Variants in PDE1A observed in about 807,000 individuals in gnomAD.
The protein encoded by PDE1A is dual specificity calcium/calmodulin-dependent 3',5'-cyclic nucleotide phosphodiesterase 1A.
Under a neutral mutation model 61.7 loss-of-function variants are expected in PDE1A, and 35 were observed. That is an observed-to-expected ratio of 0.57 (90% CI 0.43 to 0.75). PDE1A has a LOEUF of 0.75. PDE1A is among the 30% of genes least tolerant of loss of function. The pLI is 0.00. For missense variants in PDE1A, 597 were observed against 630.6 expected (o/e 0.95, Z 0.57); for synonymous variants, 232 against 213.2 (o/e 1.09, Z -0.77).
At chr2:182,252,763 G>T (rs1470373221) in intron 2 of PDE1A, among the ~76,000 whole-genome samples, 1 of 152,196 alleles carries the variant, frequency 6.6e-6, no homozygotes, top group Non-Finnish European at 1.5e-5. Context: ...CTGCAGGACG[G>T]CAAGGTCCCT....
chr2:182,555,281 A>G, the PDE1A span, among the ~76,000 whole-genome samples: 24 of 152,340 alleles, frequency 1.6e-4, no homozygotes, highest in African/African-American at 5.8e-4. Flanking sequence ...ACATCATTCA[A>G]ACACATTGTC....
chr2:182,629,197 G>A, the PDE1A span, among the ~76,000 whole-genome samples: 1 of 152,150 alleles, frequency 6.6e-6, no homozygotes, highest in African/African-American at 2.4e-5. Flanking sequence ...AGCTCCAGAA[G>A]GGAATTCAGT....
chr2:182,548,629 T>G, the PDE1A span, among the ~76,000 whole-genome samples: 1 of 152,210 alleles, frequency 6.6e-6, no homozygotes, highest in Admixed American at 6.5e-5. Flanking sequence ...CTTCCCAAAA[T>G]TATGGATTTC....
chr2:182,545,738 G>C, the PDE1A span, among the ~76,000 whole-genome samples: 1 of 152,138 alleles, frequency 6.6e-6, no homozygotes, highest in African/African-American at 2.4e-5. Flanking sequence ...CATACTGACT[G>C]ACTTCTGCAG....
chr2:182,498,595 C>A (rs948217559), intron 2 of PDE1A, among the ~76,000 whole-genome samples: 2 of 151,780 alleles, frequency 1.3e-5, no homozygotes, highest in African/African-American at 4.8e-5. Flanking sequence ...CATGTATTTC[C>A]AGACTGAAAG....
intron 1 of PDE1A, among the ~76,000 whole-genome samples, chr2:182,335,648 C>G (rs1265676351): frequency 6.6e-6 from 1 of 152,136 alleles, no homozygotes; most frequent in Non-Finnish European, 1.5e-5. Flanking sequence ...AACGTAAGAC[C>G]TTAAATCATA....
chr2:182,483,546 T>C (rs570427994), intron 2 of PDE1A, among the ~76,000 whole-genome samples: 13 of 152,024 alleles, frequency 8.6e-5, no homozygotes, highest in Admixed American at 2.6e-4. Flanking sequence ...CAACATACTC[T>C]AAATAATTCA....
chr2:182,590,817 C>T, the PDE1A span, among the ~76,000 whole-genome samples: 2 of 152,268 alleles, frequency 1.3e-5, no homozygotes, highest in South Asian at 2.1e-4. Context: ...CTCCCATAGT[C>T]CCATTTATTT....
the PDE1A span, among the ~76,000 whole-genome samples, chr2:182,529,980 G>A: frequency 6.6e-6 from 1 of 152,276 alleles, no homozygotes; most frequent in East Asian, 1.9e-4. Context: ...ATTTTCAGAA[G>A]TGTAAAATAG....
the PDE1A span, among the ~76,000 whole-genome samples, chr2:182,601,153 C>A: frequency 6.6e-6 from 1 of 152,182 alleles, no homozygotes; most frequent in Admixed American, 6.5e-5. Context: ...AGCATGGATG[C>A]CACATCTGCC....
Position 182,229,253 on chromosome 2 carries a change from G to A in PDE1A, c.675+753C>T, listed in dbSNP as rs555463704. ...TGAAATTCTGGTTGCCTCCTAGGCT[G>A]AAATGGCATTTTCTCACTGCACTTC... On this transcript the variant is annotated intron_variant, in intron 6 of 13. Transcript: ENST00000351439. Among the ~76,000 whole-genome samples, 5 of 152,164 alleles carry A rather than the reference G, an allele frequency of 3.3e-5. No homozygotes were observed. In the South Asian group the frequency reaches 1.0e-3, roughly 32 times the overall value.
the PDE1A span, among the ~76,000 whole-genome samples, chr2:182,641,594 CAAT>C: frequency 6.6e-6 from 1 of 152,120 alleles, no homozygotes; most frequent in Admixed American, 6.5e-5. Context: ...AAAAAGAAGA[CAAT>C]GAATTTATAA....
At chr2:182,234,189 T>A (rs1191110608) in intron 4 of PDE1A, among the ~76,000 whole-genome samples, 1 of 152,156 alleles carries the variant, frequency 6.6e-6, no homozygotes, top group African/African-American at 2.4e-5. Context: ...AAAACACACG[T>A]GTGTGTGCAT....
intron 2 of PDE1A, among the ~76,000 whole-genome samples, chr2:182,440,511 A>T (rs908363698): frequency 6.6e-6 from 1 of 152,052 alleles, no homozygotes; most frequent in Non-Finnish European, 1.5e-5. Context: ...CTTCCACTCA[A>T]CTGCAGCAAA....
intron 2 of PDE1A, chr2:182,242,169 T>C: frequency 6.3e-6 from 5 of 798,404 alleles, no homozygotes; most frequent in Non-Finnish European, 8.2e-6. Context: ...TGCCAATTCC[T>C]CCACAGTAAA....
exon 8 of PDE1A, chr2:182,205,962 T>G (rs749642455): frequency 3.7e-6 from 6 of 1,610,258 alleles, no homozygotes; most frequent in Non-Finnish European, 5.1e-6. Context: ...TTGGATAAAT[T>G]TATCAAGATA....
chr2:182,265,411 G>A (rs932516755), intron 1 of PDE1A, among the ~76,000 whole-genome samples: 4 of 151,980 alleles, frequency 2.6e-5, no homozygotes, highest in African/African-American at 9.7e-5. Flanking sequence ...AAAGTTAATT[G>A]AGACAAGAAA....
At chr2:182,564,739 G>T in the PDE1A span, among the ~76,000 whole-genome samples, 2 of 152,146 alleles carry the variant, frequency 1.3e-5, no homozygotes, top group African/African-American at 4.8e-5. Flanking sequence ...TTTCTTGGAG[G>T]CTTTGTTCGT....
In PDE1A at chr2:182,205,711, C is replaced by T. The variant is rs533536586; in HGVS notation, c.902+229G>A. ...TTGTTGTGTTGTGTGTGGTCTTATT[C>T]AGACATATGGATGTTGAGTTGACCT... On this transcript the variant is annotated intron_variant, in intron 8 of 13. Transcript: ENST00000351439. Among the ~76,000 whole-genome samples, 405 of 152,256 alleles carry T rather than the reference C, an allele frequency of 2.7e-3. 1 individual carries two copies. The highest frequency in any genetic ancestry group is 9.5e-3 in the African/African-American group (396 of 41,560).
Sources: gnomAD v4.1 joint callset for allele counts (sites outside exome capture counted in the v4.1 genomes callset) on GRCh38, gnomAD v4.1.1 for gene constraint, MANE v1.5 for transcripts, NCBI Gene and HGNC (gene_info 2026-07-23, HGNC 2026-07-21) for gene names.